The following SH3GL1 variants were observed in gnomAD, a reference collection of about 807,000 sequenced individuals.
SH3GL1 encodes the protein endophilin-A2.
A neutral mutation model predicts 48.8 loss-of-function variants in SH3GL1; 21 were observed. The observed-to-expected ratio is 0.43, with a 90% CI of 0.30 to 0.62. SH3GL1 has a LOEUF of 0.62. Ranked by LOEUF, SH3GL1 falls within the 20% of genes least tolerant of loss-of-function variation. SH3GL1 has a pLI of 0.11. For synonymous variants in SH3GL1, 282 were observed against 217.5 expected, an observed-to-expected ratio of 1.30 and a Z score of -2.61; for missense variants, 454 against 503.0, an observed-to-expected ratio of 0.90 and a Z score of 0.93.
chr19:4,370,686 C>G (rs1471484806), intron 1 of SH3GL1, among the ~76,000 whole-genome samples: 1 of 152,246 alleles, frequency 6.6e-6, no homozygotes, highest in East Asian at 1.9e-4. Context: ...GAACAGTCTC[C>G]AAGACTCTGC....
chr19:4,366,178 G>T (rs1568409230), intron 3 of SH3GL1, among the ~76,000 whole-genome samples: 2 of 152,232 alleles, frequency 1.3e-5, no homozygotes, highest in South Asian at 2.1e-4. Flanking sequence ...GGGGCACTGG[G>T]GAGGGGCGGC....
chr19:4,373,104 G>A (rs1240639088), intron 1 of SH3GL1, among the ~76,000 whole-genome samples: 6 of 132,394 alleles, frequency 4.5e-5, no homozygotes, highest in Admixed American at 1.6e-4. Context: ...ATGAGGCCAG[G>A]AGGGGGAGGG....
intron 1 of SH3GL1, among the ~76,000 whole-genome samples, chr19:4,370,407 C>T (rs913085413): frequency 1.3e-5 from 2 of 152,168 alleles, no homozygotes; most frequent in Non-Finnish European, 2.9e-5. Context: ...TGGCAGGAAA[C>T]GGAGGAAAAT....
intron 4 of SH3GL1, among the ~76,000 whole-genome samples, chr19:4,364,830 C>T (rs1258251932): frequency 2.0e-5 from 3 of 147,910 alleles, no homozygotes; most frequent in African/African-American, 7.6e-5. Flanking sequence ...TCCCGAGTAG[C>T]TGGGGTTACA....
chr19:4,400,372 G>A lies in SH3GL1; in HGVS notation c.-4C>T. ...TCTTCAGCCCCGCCACCGACATGCT[G>A]CCGCCCGCCGCCGAGCCTCCCGCCC... On this transcript the variant is annotated 5_prime_UTR_variant, in exon 1 of 10. Coordinates refer to ENST00000269886, the MANE Select transcript of SH3GL1 (RefSeq NM_003025.4). This position sits in a 1 kb window ranked among gnomAD's most constrained non-coding sequence, Gnocchi z 4.1. 2 of 1,585,998 alleles carry A rather than the reference G, an allele frequency of 1.3e-6. No individual in the cohort carries two copies. Among genetic ancestry groups the A allele is most frequent in the East Asian group, 2.4e-5 (1 of 41,656 alleles).
At chr19:4,385,353 G>A (rs571187355) in intron 1 of SH3GL1, among the ~76,000 whole-genome samples, 1 of 152,330 alleles carries the variant, frequency 6.6e-6, no homozygotes, top group Admixed American at 6.5e-5. Flanking sequence ...CTGAACAAGG[G>A]AGGTGCCCTG....
chr19:4,365,246 G>A (rs2144864472), intron 4 of SH3GL1, among the ~76,000 whole-genome samples: 2 of 152,330 alleles, frequency 1.3e-5, no homozygotes, highest in Middle Eastern at 3.4e-3. Context: ...AGGCCCTGGG[G>A]AAGCAGCTGG....
chr19:4,365,408 C>T (rs1487595891), intron 4 of SH3GL1, 74 bp downstream of exon 4: 2 of 1,584,868 alleles, frequency 1.3e-6, no homozygotes, highest in African/African-American at 1.3e-5. Flanking sequence ...CATGCAGGGC[C>T]TGGACCTGCC....
chr19:4,377,632 G>T lies in SH3GL1; in HGVS notation c.46-10638C>A, dbSNP rs565735638. On this transcript the variant is annotated intron_variant, in intron 1 of 9. Coordinates refer to ENST00000269886, the MANE Select transcript of SH3GL1 (RefSeq NM_003025.4). ...GCGCCTGTGCACTGGGGCCCTCTGC[G>T]AGCATTAGGTGCCAGCAGCTGTCAC... is the stretch of plus-strand genomic sequence containing the variant. Among the ~76,000 whole-genome samples the T allele has an allele frequency of 2.6e-5, 4 of 152,342 alleles. No individual in the cohort carries two copies. The South Asian group carries it at 8.3e-4, about 32-fold the overall frequency.
intron 1 of SH3GL1, among the ~76,000 whole-genome samples, chr19:4,386,765 G>T (rs906995825): frequency 1.3e-5 from 2 of 152,048 alleles, no homozygotes; most frequent in Non-Finnish European, 2.9e-5. Context: ...CCAGTGTGCA[G>T]GATCCCCCGA....
At position 4,389,765 on chromosome 19, in the gene SH3GL1, C is replaced by T. The variant is rs1001485850; in HGVS notation, c.45+10559G>A. Reference sequence around the variant, plus strand: ...GCCAGTAAACCAAACACTGGGGATGCAGCAATGAGCACAAATGCCTGGCTC... The same window carrying T: ...GCCAGTAAACCAAACACTGGGGATGTAGCAATGAGCACAAATGCCTGGCTC... On this transcript the variant is annotated intron_variant, in intron 1 of 9. Transcript: ENST00000269886. This position sits in a 1 kb window ranked among gnomAD's most constrained non-coding sequence, Gnocchi z 4.5. 1.1e-4 allele frequency among the ~76,000 whole-genome samples: 17 copies of T among 152,332 alleles called. No individual in the cohort carries two copies. The highest frequency in any genetic ancestry group is 4.6e-4 in the Admixed American group (7 of 15,300).
At chr19:4,399,930 G>T (rs964291792) in intron 1 of SH3GL1, among the ~76,000 whole-genome samples, 1 of 152,192 alleles carries the variant, frequency 6.6e-6, no homozygotes, top group South Asian at 2.1e-4. Flanking sequence ...GATTTTGAAC[G>T]TAACTGCTCT....
chr19:4,385,100 C>CAAAA (rs774287504), intron 1 of SH3GL1, among the ~76,000 whole-genome samples: 2 of 109,840 alleles, frequency 1.8e-5, no homozygotes, highest in South Asian at 3.0e-4. Context: ...GACTCCATCT[C>CAAAA]AAAAAAAAAA....
Position 4,400,018 on chromosome 19 carries a change from T to C in SH3GL1, c.45+306A>G, listed in dbSNP as rs1348923011. 1.3e-5 allele frequency among the ~76,000 whole-genome samples: 2 copies of C among 152,088 alleles called. No homozygotes were observed. Among genetic ancestry groups the C allele is most frequent in the African/African-American group, 4.8e-5 (2 of 41,430 alleles). Reference sequence around the variant, plus strand: ...AGCCTCGGGACTCCTCTCTTCCCCTTCTCTCCCCGCACCCCGCCTTTGCAG... The same window carrying C: ...AGCCTCGGGACTCCTCTCTTCCCCTCCTCTCCCCGCACCCCGCCTTTGCAG... On this transcript the variant is annotated intron_variant, in intron 1 of 9. Transcript: ENST00000269886. This position sits in a 1 kb window ranked among gnomAD's most constrained non-coding sequence, Gnocchi z 4.1.
intron 8 of SH3GL1, 96 bp downstream of exon 8, chr19:4,362,516 A>C: frequency 6.3e-7 from 1 of 1,587,706 alleles, no homozygotes; most frequent in Admixed American, 1.8e-5. Flanking sequence ...AGCTGCACCC[A>C]GGAGTCTGGC....
chr19:4,380,292 G>C (rs1010036888), intron 1 of SH3GL1: 1 of 152,402 alleles, frequency 6.6e-6, no homozygotes, highest in Admixed American at 6.5e-5. Context: ...AGGTACAGTG[G>C]AAAAGGAAAG....
chr19:4,391,223 G>A (rs962559632), intron 1 of SH3GL1, among the ~76,000 whole-genome samples: 2 of 152,306 alleles, frequency 1.3e-5, no homozygotes, highest in East Asian at 3.9e-4. Flanking sequence ...GGCCAGGGGT[G>A]GGGTGAGCAG....
chr19:4,369,442 C>A (rs993573232), intron 1 of SH3GL1, among the ~76,000 whole-genome samples: 1 of 152,246 alleles, frequency 6.6e-6, no homozygotes, highest in Non-Finnish European at 1.5e-5. Flanking sequence ...CCCGGCCCCA[C>A]GACCTGCCCA....
intron 1 of SH3GL1, among the ~76,000 whole-genome samples, chr19:4,374,703 G>A (rs1157818629): frequency 2.0e-5 from 3 of 152,186 alleles, no homozygotes; most frequent in African/African-American, 7.2e-5. Flanking sequence ...CTTGCAGCCC[G>A]GCCTCTCCCC....
Sources: allele counts gnomAD v4.1 joint callset (sites outside exome capture counted in the v4.1 genomes callset), GRCh38; gene constraint gnomAD v4.1.1; non-coding constraint Gnocchi (gnomAD v3.1); transcripts MANE v1.5; gene names NCBI Gene and HGNC (gene_info 2026-07-23, HGNC 2026-07-21).